The following NPC1 variants were observed in gnomAD, a reference collection of about 807,000 sequenced individuals.
NPC1 encodes NPC intracellular cholesterol transporter 1, also known as Niemann-Pick C1 protein.
In NPC1, 85 loss-of-function variants were observed where a neutral mutation model predicts 140.4. The observed-to-expected ratio is 0.61, with a 90% confidence interval of 0.51 to 0.72. The LOEUF is 0.72. NPC1 is among the 30% of genes least tolerant of loss of function. The pLI, the probability that NPC1 is intolerant of heterozygous loss-of-function variation, is 0.00. For missense variants in NPC1, 1,504 were observed against 1,623.8 expected, an observed-to-expected ratio of 0.93 and a Z score of 1.27; for synonymous variants, 656 against 624.8, an observed-to-expected ratio of 1.05 and a Z score of -0.74.
chr18:23,511,110 ATG>A (rs1186721926), intron 3 of NPC1, among the ~76,000 whole-genome samples: 1 of 152,262 alleles, frequency 6.6e-6, no homozygotes, highest in African/African-American at 2.4e-5. Flanking sequence ...GATAAAGAAA[ATG>A]TGGTACATAT....
chr18:23,544,894 A>C lies in NPC1; in HGVS notation c.1947+66T>G, dbSNP rs913997774. ...TAATGGAATAAGAATAAAGAGGCAAAAATATGACGTTACACTGTGCACTGC... is the reference window on the plus strand; with the variant it reads ...TAATGGAATAAGAATAAAGAGGCAACAATATGACGTTACACTGTGCACTGC... On this transcript the variant is annotated intron_variant, in intron 12 of 24. Coordinates refer to ENST00000269228, the MANE Select transcript of NPC1 (RefSeq NM_000271.5). The C allele has an allele frequency of 9.1e-6, 11 of 1,202,278 alleles. 1 individual carries two copies. In the South Asian group the frequency reaches 1.4e-4, roughly 15 times the overall value. 74.5% of individuals were successfully genotyped at this position (1,202,278 alleles called of 1,614,324 possible).
downstream of NPC1, chr18:23,530,571 A>G (rs1270019288): frequency 6.2e-7 from 1 of 1,614,134 alleles, no homozygotes. Context: ...TTTTTTGAAC[A>G]GCGAAACCAG....
intron 3 of NPC1, chr18:23,516,134 G>A: frequency 2.2e-6 from 3 of 1,387,050 alleles, no homozygotes; most frequent in Non-Finnish European, 3.0e-6. Flanking sequence ...AGGGCACTCT[G>A]TATACCCGTC....
At chr18:23,577,726 G>A (rs796886029) in intron 1 of NPC1, among the ~76,000 whole-genome samples, 51 of 141,218 alleles carry the variant, frequency 3.6e-4, no homozygotes, top group African/African-American at 1.2e-3. Context: ...GGCCACGGAG[G>A]GGGTGGGAGG....
At chr18:23,579,143 C>T (rs1371573953) in intron 1 of NPC1, among the ~76,000 whole-genome samples, 1 of 152,238 alleles carries the variant, frequency 6.6e-6, no homozygotes, top group African/African-American at 2.4e-5. Context: ...TGAAGTAGGA[C>T]CTGCCTGCCT....
intron 7 of NPC1, 120 bp from the exon 8 acceptor site, chr18:23,556,733 A>G: frequency 6.8e-7 from 1 of 1,475,182 alleles, no homozygotes; most frequent in Non-Finnish European, 9.3e-7. Context: ...CTGGGGACAC[A>G]TATGAGACCC....
chr18:23,510,472 AC>A (rs1219777226), intron 3 of NPC1, among the ~76,000 whole-genome samples: 1 of 152,080 alleles, frequency 6.6e-6, no homozygotes, highest in Non-Finnish European at 1.5e-5. Context: ...ACATGACGAA[AC>A]CCTGTCTCTA....
intron 1 of NPC1, among the ~76,000 whole-genome samples, chr18:23,578,814 CAG>C (rs2059323203): frequency 6.6e-6 from 1 of 152,224 alleles, no homozygotes; most frequent in East Asian, 1.9e-4. Flanking sequence ...TCCTCTTCAA[CAG>C]AGTTTCAAAT....
chr18:23,551,668 C>T lies in NPC1; in HGVS notation c.1613G>A (p.Gly538Asp). 1 of 1,614,210 alleles carries T rather than the reference C, an allele frequency of 6.2e-7. No individual in the cohort carries two copies. Among genetic ancestry groups the T allele is most frequent in the Non-Finnish European group, 8.5e-7 (1 of 1,180,018 alleles). The stretch of plus-strand genomic sequence containing the variant: ...CACAAGCCACGGGAACACTGGTCCA[C>T]CAAACGTACCCAGACAAGGGTCATG... ...LLHDPCLGTF[G>D]GPVFPWLVLG... Residue 538 changes from glycine to aspartate, a missense_variant, in exon 10 of 25, where the codon GGT becomes GAT. By Grantham distance (94) the Gly-to-Asp change is moderately conservative. Transcript: ENST00000269228.
intron 9 of NPC1, among the ~76,000 whole-genome samples, chr18:23,553,370 T>G (rs2058902474): frequency 6.6e-6 from 1 of 152,244 alleles, no homozygotes; most frequent in African/African-American, 2.4e-5. Flanking sequence ...CTGTGGAGAA[T>G]GCCGGTTTAG....
rs1555634623 is a variant in NPC1 at position 23,544,944 on chromosome 18, C to CCCCCG, written c.1947+15_1947+16insCGGGG. 275 of 850,728 alleles carry CCCCCG rather than the reference C, an allele frequency of 3.2e-4. 11 individuals carry two copies. Among genetic ancestry groups the CCCCCG allele is most frequent in the Admixed American group, 4.3e-4 (16 of 36,926 alleles). 52.7% of individuals were successfully genotyped at this position (850,728 alleles called of 1,614,324 possible). ...CTGTTAACCTCTAGAACATACACCA[C>CCCCCG]CCCCCCCCGGCTTACCAGAAGCCTG... On this transcript the variant is annotated intron_variant, in intron 12 of 24. Coordinates refer to ENST00000269228, the MANE Select transcript of NPC1 (RefSeq NM_000271.5).
chr18:23,569,023 T>C, intron 3 of NPC1, 25 bp from the exon 4 acceptor site: 1 of 1,556,950 alleles, frequency 6.4e-7, no homozygotes, highest in East Asian at 2.2e-5. Context: ...AATTATATTC[T>C]GCATGATCTC....
At chr18:23,527,851 C>G (rs1327141572), downstream of NPC1, 4 of 1,614,106 alleles carry the variant, frequency 2.5e-6, no homozygotes, top group Non-Finnish European at 3.4e-6. Flanking sequence ...TTTTGATAAA[C>G]TCAACCATGA....
At chr18:23,534,076 GAGAT>G (rs770116637) in intron 23 of NPC1, 1 of 416,494 alleles carries the variant, frequency 2.4e-6, no homozygotes, top group Non-Finnish European at 4.5e-6. Flanking sequence ...CAGTGGTAAA[GAGAT>G]AGGCTAAGCC....
chr18:23,579,821 G>C (rs2059336449), intron 1 of NPC1, among the ~76,000 whole-genome samples: 1 of 151,566 alleles, frequency 6.6e-6, no homozygotes, highest in South Asian at 2.1e-4. Context: ...GGAGGCGGAG[G>C]TTGCAGTAAG....
intron 8 of NPC1, among the ~76,000 whole-genome samples, 188 bp from the exon 9 acceptor site, chr18:23,555,172 A>G (rs747503224): frequency 7.9e-5 from 12 of 152,250 alleles, no homozygotes; most frequent in Non-Finnish European, 1.5e-4. Flanking sequence ...CCACTCTAAC[A>G]GCAAACTAGT....
intron 1 of NPC1, among the ~76,000 whole-genome samples, chr18:23,523,543 C>CAAAAAAAAAAAAAAAAAAAA (rs374224848): frequency 2.6e-5 from 2 of 76,408 alleles, no homozygotes; most frequent in Non-Finnish European, 4.7e-5. Context: ...CTTGTCTTCA[C>CAAAAAAAAAAAAAAAAAAAA]AAAAAAAAAA....
At chr18:23,519,070 G>A (rs1359752563), downstream of NPC1, 1 of 1,614,074 alleles carries the variant, frequency 6.2e-7, no homozygotes, top group Non-Finnish European at 8.5e-7. Context: ...ATCCTACAGA[G>A]AAGGTGCCTG....
At chr18:23,577,894 C>T (rs578127679) in intron 1 of NPC1, among the ~76,000 whole-genome samples, 4 of 152,364 alleles carry the variant, frequency 2.6e-5, no homozygotes, top group East Asian at 1.9e-4. Context: ...CCCCATTGCC[C>T]GGGGCCAGCA....
Sources: allele counts gnomAD v4.1 joint callset (sites outside exome capture counted in the v4.1 genomes callset), GRCh38; gene constraint gnomAD v4.1.1; transcripts MANE v1.5; gene names NCBI Gene and HGNC (gene_info 2026-07-23, HGNC 2026-07-21).